GARRE1: variants seen among roughly 807,000 people sequenced by gnomAD.
The protein encoded by GARRE1 is granule associated Rac and RHOG effector 1.
A neutral mutation model predicts 103.2 loss-of-function variants in GARRE1; 49 were observed. The observed-to-expected ratio is 0.47, with a 90% confidence interval of 0.38 to 0.60. The LOEUF is 0.60. GARRE1 is among the 20% of genes least tolerant of loss of function. The probability of loss-of-function intolerance (pLI) is 0.00; values close to 1 mark genes in which losing one functional copy is unlikely to be tolerated. For missense variants in GARRE1, 1,199 were observed against 1,370.5 expected (o/e 0.87, Z 1.98); for synonymous variants, 505 against 532.8 (o/e 0.95, Z 0.72).
chr19:34,320,922 T>C (rs2074084897), intron 3 of GARRE1, among the ~76,000 whole-genome samples: 1 of 147,922 alleles, frequency 6.8e-6, no homozygotes, highest in Admixed American at 6.7e-5. Flanking sequence ...TTTTTTTTTT[T>C]TGGTAGAGAT....
At chr19:34,317,023 T>C (rs2074063173) in intron 2 of GARRE1, among the ~76,000 whole-genome samples, 1 of 152,228 alleles carries the variant, frequency 6.6e-6, no homozygotes, top group African/African-American at 2.4e-5. Context: ...GTGATGGCCT[T>C]GTCAGAGAGC....
At chr19:34,320,391 C>T (rs555182013) in intron 3 of GARRE1, among the ~76,000 whole-genome samples, 5 of 152,162 alleles carry the variant, frequency 3.3e-5, no homozygotes, top group Admixed American at 1.3e-4. Flanking sequence ...TGGAGATATG[C>T]GGGAGCCAGA....
At chr19:34,273,021 T>C (rs2073796750) in intron 1 of GARRE1, among the ~76,000 whole-genome samples, 2 of 152,154 alleles carry the variant, frequency 1.3e-5, no homozygotes, top group Admixed American at 6.5e-5. Context: ...CTGGCTAACA[T>C]GGTGAAAACT....
intron 8 of GARRE1, 62 bp from the exon 9 acceptor site, chr19:34,339,805 C>T (rs1180301680): frequency 1.2e-5 from 20 of 1,605,112 alleles, no homozygotes; most frequent in Non-Finnish European, 1.6e-5. Context: ...TCTATGAGAC[C>T]TGCTTGAGAC....
intron 1 of GARRE1, among the ~76,000 whole-genome samples, chr19:34,265,816 A>C (rs1185487304): frequency 3.3e-5 from 5 of 152,166 alleles, no homozygotes; most frequent in African/African-American, 1.2e-4. Flanking sequence ...GCTGTGCTTT[A>C]TGGATTTAAT....
At chr19:34,326,382 A>G (rs1334640813) in intron 3 of GARRE1, among the ~76,000 whole-genome samples, 1 of 152,204 alleles carries the variant, frequency 6.6e-6, no homozygotes, top group East Asian at 1.9e-4. Flanking sequence ...AGAAATCTAA[A>G]AACAGTTCAT....
intron 3 of GARRE1, among the ~76,000 whole-genome samples, chr19:34,324,487 A>T (rs1196473761): frequency 6.6e-6 from 1 of 151,588 alleles, no homozygotes; most frequent in Non-Finnish European, 1.5e-5. Flanking sequence ...TTTAACAGAA[A>T]AATATCACCA....
chr19:34,309,002 A>C (rs1178049080), intron 2 of GARRE1, among the ~76,000 whole-genome samples: 2 of 152,110 alleles, frequency 1.3e-5, no homozygotes, highest in Admixed American at 6.6e-5. Context: ...GAGACAGGTC[A>C]TCACGTCTCC....
intron 1 of GARRE1, among the ~76,000 whole-genome samples, chr19:34,287,096 G>A (rs966425777): frequency 3.4e-5 from 5 of 145,446 alleles, no homozygotes; most frequent in Admixed American, 2.1e-4. Flanking sequence ...CCGAGATTGC[G>A]CCACTGCACT....
At chr19:34,348,995 G>A in intron 11 of GARRE1, 21 bp from the exon 12 acceptor site, 1 of 1,607,790 alleles carries the variant, frequency 6.2e-7, no homozygotes, top group Non-Finnish European at 8.5e-7. Context: ...CCCTGGCCCA[G>A]CTTCTCTCTC....
rs773822186 is a variant in GARRE1 at position 34,330,317 on chromosome 19, G to A, written c.1233G>A (p.Ala411=). The A allele has an allele frequency of 1.7e-5, 27 of 1,614,104 alleles. No individual in the cohort carries two copies. Among genetic ancestry groups the A allele is most frequent in the South Asian group, 5.5e-5 (5 of 91,088 alleles). Residue 411 remains alanine, a synonymous_variant, in exon 7 of 14, where the codon GCG becomes GCA. Transcript: ENST00000299505. The part of the protein sequence containing the change: ...PSTWRGACKT[A]VQLLFGQAGL... The stretch of plus-strand genomic sequence containing the variant: ...CATGGCGAGGTGCCTGCAAGACGGC[G>A]GTGCAGCTGCTGTTTGGCCAGGCTG...
intron 10 of GARRE1, among the ~76,000 whole-genome samples, chr19:34,346,118 C>T (rs895799370): frequency 6.6e-6 from 1 of 152,186 alleles, no homozygotes; most frequent in Admixed American, 6.5e-5. Context: ...GGAGACAGGC[C>T]AGCATGACTG....
At chr19:34,256,836 AAAG>A (rs1222847056) in intron 1 of GARRE1, among the ~76,000 whole-genome samples, 3 of 152,216 alleles carry the variant, frequency 2.0e-5, no homozygotes, top group Admixed American at 6.5e-5. Flanking sequence ...TTTGTTTTAA[AAAG>A]AAATCATTTT....
At chr19:34,335,055 A>T (rs2074154935) in intron 8 of GARRE1, among the ~76,000 whole-genome samples, 1 of 152,184 alleles carries the variant, frequency 6.6e-6, no homozygotes, top group Non-Finnish European at 1.5e-5. Flanking sequence ...AGAAAAAAAA[A>T]AAAACCGTTA....
intron 1 of GARRE1, among the ~76,000 whole-genome samples, chr19:34,287,266 C>G (rs2073893214): frequency 6.6e-6 from 1 of 152,074 alleles, no homozygotes; most frequent in South Asian, 2.1e-4. Flanking sequence ...ATTCTAGTAT[C>G]AGAGAAGGAA....
chr19:34,277,611 A>C (rs1252089962), intron 1 of GARRE1, among the ~76,000 whole-genome samples: 2 of 152,140 alleles, frequency 1.3e-5, no homozygotes, highest in Non-Finnish European at 2.9e-5. Context: ...ATAGGCATAT[A>C]ATTATATGTT....
intron 1 of GARRE1, among the ~76,000 whole-genome samples, chr19:34,271,940 G>T (rs962350560): frequency 6.6e-6 from 1 of 152,120 alleles, no homozygotes; most frequent in Non-Finnish European, 1.5e-5. Context: ...GATATTGCTT[G>T]CTCTGGAAGT....
At chr19:34,351,881 G>A (rs2074239127) in intron 13 of GARRE1, among the ~76,000 whole-genome samples, 1 of 151,232 alleles carries the variant, frequency 6.6e-6, no homozygotes, top group African/African-American at 2.4e-5. Context: ...CAGAAGGATG[G>A]CTTGAGGCCA....
At position 34,307,684 on chromosome 19, in the gene GARRE1, T is replaced by TATACTTATATATAC. The variant is rs2074014775; in HGVS notation, c.495+6720_495+6733dup. ...ATACATATATACTTATATATACATA[T>TATACTTATATATAC]ATACTTATATATACATATATACTTA... On this transcript the variant is annotated intron_variant, in intron 2 of 13. Coordinates refer to ENST00000299505, the MANE Select transcript of GARRE1 (RefSeq NM_014686.5). Among the ~76,000 whole-genome samples the TATACTTATATATAC allele has an allele frequency of 6.1e-5, 3 of 49,306 alleles. 1 individual carries two copies. In the Admixed American group the frequency reaches 1.3e-3, roughly 21 times the overall value. 32.3% of individuals were successfully genotyped at this position (49,306 alleles called of 152,430 possible). A position where few individuals can be genotyped will look rare whatever the true frequency, so the allele number is the denominator to read the frequency against.
Sources: allele counts gnomAD v4.1 joint callset (sites outside exome capture counted in the v4.1 genomes callset), GRCh38; gene constraint gnomAD v4.1.1; transcripts MANE v1.5; gene names NCBI Gene and HGNC (gene_info 2026-07-23, HGNC 2026-07-21).